The following CACNA1C variants were observed in gnomAD, a reference collection of about 807,000 sequenced individuals.
CACNA1C encodes calcium voltage-gated channel subunit alpha1 C.
CACNA1C carries 30 observed loss-of-function variants against 229.0 expected under a neutral mutation model. The observed-to-expected ratio is 0.13, with a 90% CI of 0.10 to 0.18. The LOEUF (loss-of-function observed/expected upper bound fraction) is 0.18, where lower values mean the gene tolerates loss of function less well. Among genes scored for constraint, CACNA1C ranks in the 10% least tolerant of loss-of-function variants. The pLI, the probability that CACNA1C is intolerant of heterozygous loss-of-function variation, is 1.00. For missense variants in CACNA1C, 1,658 were observed against 2,845.0 expected (o/e 0.58, Z 9.49); for synonymous variants, 1,114 against 1,132.5 (o/e 0.98, Z 0.33).
At position 2,323,199 on chromosome 12, in the gene CACNA1C, A is replaced by G. The variant is rs558490166; in HGVS notation, c.478-125777A>G. ...TTTTTCAGCCGACCTTGCTTCCTCT[A>G]TCTCAATCTGGTAATTCACAACCCT... On this transcript the variant is annotated intron_variant, in intron 3 of 46. Transcript: ENST00000399655. 7.9e-5 allele frequency among the ~76,000 whole-genome samples: 12 copies of G among 152,110 alleles called. 1 individual carries two copies. Among genetic ancestry groups the G allele is most frequent in the African/African-American group, 2.2e-4 (9 of 41,500 alleles).
At chr12:2,636,283 G>C (rs1191039273) in intron 30 of CACNA1C, among the ~76,000 whole-genome samples, 3 of 152,200 alleles carry the variant, frequency 2.0e-5, no homozygotes, top group African/African-American at 7.2e-5. Context: ...CTGCAGCTCT[G>C]GGGGTCCTAT....
At chr12:2,394,434 C>T (rs1352436593) in intron 3 of CACNA1C, among the ~76,000 whole-genome samples, 1 of 152,260 alleles carries the variant, frequency 6.6e-6, no homozygotes, top group Non-Finnish European at 1.5e-5. Context: ...TTTGAGCCAC[C>T]TTCCCCTGCA....
intron 3 of CACNA1C, among the ~76,000 whole-genome samples, chr12:2,237,954 C>T (rs1246702310): frequency 6.6e-6 from 1 of 152,190 alleles, no homozygotes; most frequent in Non-Finnish European, 1.5e-5. Context: ...ATCAAGGCGA[C>T]AATGATAGGT....
chr12:2,172,696 T>C (rs1437369767), intron 3 of CACNA1C, among the ~76,000 whole-genome samples: 1 of 152,168 alleles, frequency 6.6e-6, no homozygotes, highest in Admixed American at 6.5e-5. Flanking sequence ...TAAGCCAGAA[T>C]AGTGATAGGA....
chr12:2,122,343 A>T (rs942167341), intron 3 of CACNA1C, among the ~76,000 whole-genome samples: 1 of 152,244 alleles, frequency 6.6e-6, no homozygotes, highest in African/African-American at 2.4e-5. Context: ...AAAAAGCTGC[A>T]GATGACTTCT....
At chr12:2,433,742 C>T (rs1401012861) in intron 3 of CACNA1C, among the ~76,000 whole-genome samples, 1 of 152,170 alleles carries the variant, frequency 6.6e-6, no homozygotes, top group Non-Finnish European at 1.5e-5. Flanking sequence ...CCGTCTCGTT[C>T]CCACTGCTTA....
At chr12:2,235,162 G>A (rs1478996973) in intron 3 of CACNA1C, among the ~76,000 whole-genome samples, 6 of 152,214 alleles carry the variant, frequency 3.9e-5, no homozygotes, top group South Asian at 2.1e-4. Context: ...GCCTGCTCCC[G>A]GGGGAATACC....
chr12:2,107,880 G>T (rs950198671), intron 1 of CACNA1C, among the ~76,000 whole-genome samples: 3 of 152,158 alleles, frequency 2.0e-5, no homozygotes, highest in Non-Finnish European at 4.4e-5. Context: ...TTGTCACCAT[G>T]CTCTTCCCAC....
intron 5 of CACNA1C, among the ~76,000 whole-genome samples, chr12:2,481,223 G>C (rs947210889): frequency 3.3e-5 from 5 of 152,186 alleles, no homozygotes; most frequent in African/African-American, 1.2e-4. Flanking sequence ...TCTGTTGTCA[G>C]CCCTCGTCAG....
In CACNA1C at chr12:2,671,892, TG is replaced by T. The variant is rs1477726234; in HGVS notation, c.4727-2646del. On this transcript the variant is annotated intron_variant, in intron 38 of 46. Transcript: ENST00000399655. ...CCCAAGGGTGAGCCTTCATCAGACA[TG>T]GGCCCTCCATAAACTTGTTAAAATC... 2.7e-5 allele frequency among the ~76,000 whole-genome samples: 4 copies of T among 148,614 alleles called. No individual in the cohort carries two copies. The Admixed American group carries it at 2.7e-4, about 10-fold the overall frequency.
In CACNA1C at chr12:1,977,939, A is replaced by G. The variant is rs559485332; in HGVS notation, c.139+6738A>G. Among the ~76,000 whole-genome samples, 4 of 152,350 alleles carry G rather than the reference A, an allele frequency of 2.6e-5. No individual in the cohort carries two copies. In the South Asian group the frequency reaches 8.3e-4, roughly 32 times the overall value. Reference sequence around the variant, plus strand: ...AGCCACCAAGAAAATATCTACTATTATATTTTTAAACTGTATTGTTTTTAT... The same window carrying G: ...AGCCACCAAGAAAATATCTACTATTGTATTTTTAAACTGTATTGTTTTTAT... On this transcript the variant is annotated intron_variant, in intron 1 of 46. Coordinates refer to the CACNA1C transcript ENST00000682462.
chr12:2,148,443 A>G lies in CACNA1C; in HGVS notation c.477+28013A>G, dbSNP rs929541628. ...TCTTTTCATGGCCAGACCAGGCTCC[A>G]GGGGTTCTGGGTCACATCTTCCCTC... On this transcript the variant is annotated intron_variant, in intron 3 of 46. Coordinates refer to ENST00000399655, the MANE Select transcript of CACNA1C (RefSeq NM_000719.7). 5.4e-4 allele frequency among the ~76,000 whole-genome samples: 82 copies of G among 151,460 alleles called. 4 individuals are homozygous for G. The highest frequency in any genetic ancestry group is 1.8e-3 in the African/African-American group (75 of 41,496).
chr12:2,204,832 T>G, intron 3 of CACNA1C, among the ~76,000 whole-genome samples: 1 of 137,520 alleles, frequency 7.3e-6, no homozygotes, highest in African/African-American at 2.6e-5. Flanking sequence ...TTGGGAGATA[T>G]ACCTAATGCT....
rs375993281 is a variant in CACNA1C at position 2,220,011 on chromosome 12, C to T, written c.477+99581C>T. ...CTGCTTTCCATGATAGAAAGGATTT[C>T]CTCCTCCTCAGATGCTGAGGGAAAT... On this transcript the variant is annotated intron_variant, in intron 3 of 46. Coordinates refer to ENST00000399655, the MANE Select transcript of CACNA1C (RefSeq NM_000719.7). 3.3e-5 allele frequency among the ~76,000 whole-genome samples: 5 copies of T among 152,198 alleles called. No individual in the cohort carries two copies. In the East Asian group the frequency reaches 9.6e-4, roughly 29 times the overall value.
At chr12:2,445,011 C>T (rs2099264243) in intron 3 of CACNA1C, among the ~76,000 whole-genome samples, 1 of 152,290 alleles carries the variant, frequency 6.6e-6, no homozygotes, top group African/African-American at 2.4e-5. Flanking sequence ...AGTTCCTGGT[C>T]ATCTTGCTCC....
chr12:2,017,657 T>C (rs1248842081), intron 1 of CACNA1C, among the ~76,000 whole-genome samples: 1 of 133,000 alleles, frequency 7.5e-6, no homozygotes, highest in Non-Finnish European at 1.6e-5. Flanking sequence ...GTATCTTTTT[T>C]CTGTTTTTTT....
intron 1 of CACNA1C, 94 bp from the exon 2 acceptor site, chr12:2,115,117 CTTGAAATAAGGTT>C: frequency 1.1e-6 from 1 of 887,506 alleles, no homozygotes; most frequent in Admixed American, 2.9e-5. Flanking sequence ...CCTGCAATAG[CTTGAAATAAGGTT>C]TTGAAAAAAT....
In CACNA1C at chr12:2,567,233, C is replaced by T. The variant is rs1211835800; in HGVS notation, c.1670-336C>T. On this transcript the variant is annotated intron_variant, in intron 12 of 46. Transcript: ENST00000399655. ...CTCCAACTGTTGGCTGTTTGGCCTG[C>T]ACAGGCTACTCACCTCTTTGAACCT... is the stretch of plus-strand genomic sequence containing the variant. Among the ~76,000 whole-genome samples, 5 of 152,174 alleles carry T rather than the reference C, an allele frequency of 3.3e-5. No homozygotes were observed. In the East Asian group the frequency reaches 9.6e-4, roughly 29 times the overall value.
chr12:2,659,762 T>G (rs2153687363), intron 34 of CACNA1C, among the ~76,000 whole-genome samples: 1 of 152,196 alleles, frequency 6.6e-6, no homozygotes, highest in Non-Finnish European at 1.5e-5. Context: ...AGCTGATCCT[T>G]TGAAAAGACC....
Sources: allele counts gnomAD v4.1 joint callset (sites outside exome capture counted in the v4.1 genomes callset), GRCh38; gene constraint gnomAD v4.1.1; transcripts MANE v1.5; gene names NCBI Gene and HGNC (gene_info 2026-07-23, HGNC 2026-07-21).